RAD54B: variants seen among roughly 807,000 people sequenced by gnomAD.
The protein encoded by RAD54B is RAD54 homolog B.
In RAD54B, 78 loss-of-function variants were observed where a neutral mutation model predicts 95.8. The observed-to-expected ratio is 0.81, with a 90% CI of 0.68 to 0.98. The LOEUF (loss-of-function observed/expected upper bound fraction) is 0.98. Among genes scored for constraint, RAD54B ranks in the 50% least tolerant of loss-of-function variants. RAD54B has a pLI of 0.00. For synonymous variants in RAD54B, 328 were observed against 354.9 expected (o/e 0.92, Z 0.85); for missense variants, 957 against 1,056.6 (o/e 0.91, Z 1.31).
intron 3 of RAD54B, among the ~76,000 whole-genome samples, chr8:94,412,425 T>C (rs992095019): frequency 6.6e-6 from 1 of 152,080 alleles, no homozygotes; most frequent in Admixed American, 6.6e-5. Context: ...TCATATGATA[T>C]GTTACTTTTT....
chr8:94,431,466 T>C lies in RAD54B; in HGVS notation c.305-20151A>G, dbSNP rs547229355. The C allele has an allele frequency of 1.0e-5, 10 of 982,278 alleles. No homozygotes were observed. The South Asian group carries it at 3.8e-4, about 37-fold the overall frequency. 60.8% of individuals were successfully genotyped at this position (982,278 alleles called of 1,614,324 possible). A position where few individuals can be genotyped will look rare whatever the true frequency, so the allele number is the denominator to read the frequency against. On this transcript the variant is annotated intron_variant, in intron 3 of 14. Transcript: ENST00000336148. ...GCTTCTAATATTTAAATCTAGAGAA[T>C]GTTTTAGTGGATATTTACTTCTATC...
intron 3 of RAD54B, among the ~76,000 whole-genome samples, chr8:94,446,488 T>TA (rs1033379188): frequency 2.0e-5 from 3 of 151,922 alleles, no homozygotes; most frequent in East Asian, 3.9e-4. Context: ...CAACAAGCTA[T>TA]AAAAAAAATA....
At position 94,400,110 on chromosome 8, in the gene RAD54B, C is replaced by T. The variant is rs536682324; in HGVS notation, c.1170+128G>A. ...ACATTCAGTCCATAACAACTCAAAA[C>T]CAAAATGTAAGCTAAAACTCCATTT... On this transcript the variant is annotated intron_variant, in intron 7 of 14. Transcript: ENST00000336148. 6.3e-5 allele frequency: 51 copies of T among 815,522 alleles called. 1 individual carries two copies. The South Asian group carries it at 8.7e-4, about 14-fold the overall frequency. The allele number at this position is 815,522 out of a possible 1,614,324, so 50.5% of individuals were successfully genotyped here.
At chr8:94,385,453 C>T (rs1169432026) in intron 11 of RAD54B, among the ~76,000 whole-genome samples, 1 of 152,074 alleles carries the variant, frequency 6.6e-6, no homozygotes, top group Non-Finnish European at 1.5e-5. Flanking sequence ...ATATGTACAT[C>T]TCACATGCCC....
intron 14 of RAD54B, among the ~76,000 whole-genome samples, chr8:94,374,977 T>C (rs548002005): frequency 1.6e-4 from 24 of 152,334 alleles, no homozygotes; most frequent in African/African-American, 5.5e-4. Flanking sequence ...TATACCAATA[T>C]ATTATTTTCT....
intron 8 of RAD54B, among the ~76,000 whole-genome samples, chr8:94,398,032 G>T (rs1030204111): frequency 6.6e-6 from 1 of 151,936 alleles, no homozygotes; most frequent in African/African-American, 2.4e-5. Flanking sequence ...TCAGAGTATG[G>T]TTCCTATTTC....
intron 14 of RAD54B, among the ~76,000 whole-genome samples, chr8:94,376,683 A>G (rs1304270402): frequency 6.7e-6 from 1 of 149,142 alleles, no homozygotes; most frequent in Non-Finnish European, 1.5e-5. Flanking sequence ...CATAAATATT[A>G]TATATTGTTA....
At chr8:94,437,275 TAATAAA>T (rs1444531900) in intron 3 of RAD54B, among the ~76,000 whole-genome samples, 3 of 152,238 alleles carry the variant, frequency 2.0e-5, no homozygotes, top group African/African-American at 7.2e-5. Context: ...AGTATCACTT[TAATAAA>T]AACAAAAGAG....
At chr8:94,446,796 T>A (rs1320102844) in intron 3 of RAD54B, among the ~76,000 whole-genome samples, 1 of 152,084 alleles carries the variant, frequency 6.6e-6, no homozygotes, top group African/African-American at 2.4e-5. Flanking sequence ...GTATGGTTCA[T>A]AAACTTAGCT....
At chr8:94,461,776 C>T (rs73698013) in intron 2 of RAD54B, among the ~76,000 whole-genome samples, 6,052 of 152,268 alleles carry the variant, frequency 0.04, 139 homozygotes, top group Non-Finnish European at 0.049. Context: ...ACTGCAGACG[C>T]TATGCTCCTT....
intron 11 of RAD54B, 92 bp downstream of exon 11, chr8:94,386,892 T>G: frequency 2.3e-6 from 2 of 868,038 alleles, no homozygotes; most frequent in Non-Finnish European, 3.2e-6. Flanking sequence ...TTATTTTTAA[T>G]GTTTTCTTAT....
intron 3 of RAD54B, among the ~76,000 whole-genome samples, chr8:94,435,388 C>G (rs919433239): frequency 1.3e-5 from 2 of 152,038 alleles, no homozygotes; most frequent in Non-Finnish European, 2.9e-5. Flanking sequence ...AACATATGCA[C>G]TTGGCTACAA....
chr8:94,400,105 C>G (rs1811235223), intron 7 of RAD54B, 133 bp downstream of exon 7: 3 of 792,140 alleles, frequency 3.8e-6, no homozygotes, highest in Admixed American at 5.5e-5. Context: ...CATAACAACT[C>G]AAAACCAAAA....
chr8:94,468,251 CAG>C (rs1369472983), intron 1 of RAD54B, among the ~76,000 whole-genome samples: 1 of 152,130 alleles, frequency 6.6e-6, no homozygotes, highest in East Asian at 1.9e-4. Context: ...AAAGCCATCA[CAG>C]AGTTTGGGTC....
chr8:94,418,894 G>T (rs780783468), intron 3 of RAD54B, among the ~76,000 whole-genome samples: 4 of 152,042 alleles, frequency 2.6e-5, no homozygotes, highest in Non-Finnish European at 5.9e-5. Context: ...AACTTTTTCT[G>T]TGAATTCATC....
chr8:94,444,813 T>C (rs1372829059), intron 3 of RAD54B, among the ~76,000 whole-genome samples: 1 of 152,214 alleles, frequency 6.6e-6, no homozygotes, highest in African/African-American at 2.4e-5. Flanking sequence ...TCTTCCTCTG[T>C]CCCTTTGAGA....
intron 8 of RAD54B, among the ~76,000 whole-genome samples, chr8:94,397,318 A>C (rs1242372879): frequency 6.6e-6 from 1 of 152,202 alleles, no homozygotes; most frequent in East Asian, 1.9e-4. Flanking sequence ...CAAAGACTTC[A>C]TTCAGGCAAT....
At chr8:94,425,075 A>G (rs1811911075) in intron 3 of RAD54B, among the ~76,000 whole-genome samples, 1 of 151,500 alleles carries the variant, frequency 6.6e-6, no homozygotes, top group Admixed American at 6.6e-5. Context: ...AAAAAAAAAA[A>G]AAAAAATTCA....
At chr8:94,442,605 A>G (rs1812429866) in intron 3 of RAD54B, among the ~76,000 whole-genome samples, 1 of 151,192 alleles carries the variant, frequency 6.6e-6, no homozygotes, top group Non-Finnish European at 1.5e-5. Flanking sequence ...AAGTACAGTT[A>G]AATAGAAAGA....
Sources: allele counts gnomAD v4.1 joint callset (sites outside exome capture counted in the v4.1 genomes callset), GRCh38; gene constraint gnomAD v4.1.1; transcripts MANE v1.5; gene names NCBI Gene and HGNC (gene_info 2026-07-23, HGNC 2026-07-21).